ACVR1: variants seen among roughly 807,000 people sequenced by gnomAD.
ACVR1 encodes activin A receptor type 1.
A neutral mutation model predicts 57.1 loss-of-function variants in ACVR1; 38 were observed. That is an observed-to-expected ratio of 0.67 (90% CI 0.51 to 0.87). The LOEUF is 0.87. Among genes scored for constraint, ACVR1 ranks in the 40% least tolerant of loss-of-function variants. The pLI is 0.00. For synonymous variants in ACVR1, 212 were observed against 228.1 expected, an observed-to-expected ratio of 0.93 and a Z score of 0.63; for missense variants, 463 against 638.2, an observed-to-expected ratio of 0.73 and a Z score of 2.96.
intron 1 of ACVR1, among the ~76,000 whole-genome samples, chr2:157,845,950 A>G (rs1689115986): frequency 6.6e-6 from 1 of 152,246 alleles, no homozygotes; most frequent in South Asian, 2.1e-4. Flanking sequence ...CAGGAAATAT[A>G]TAGCAGACCT....
At chr2:157,794,779 T>A (rs1215197628) in intron 3 of ACVR1, among the ~76,000 whole-genome samples, 1 of 152,156 alleles carries the variant, frequency 6.6e-6, no homozygotes, top group African/African-American at 2.4e-5. Flanking sequence ...GCCATTATAT[T>A]GGAAAGCATT....
At chr2:157,861,564 T>C (rs1423772955) in intron 1 of ACVR1, among the ~76,000 whole-genome samples, 1 of 152,170 alleles carries the variant, frequency 6.6e-6, no homozygotes, top group African/African-American at 2.4e-5. Flanking sequence ...ATCCAGGTAA[T>C]CTTCTGTTTA....
chr2:157,864,137 C>T (rs928328422), intron 1 of ACVR1, among the ~76,000 whole-genome samples: 2 of 151,962 alleles, frequency 1.3e-5, no homozygotes, highest in African/African-American at 2.4e-5. Context: ...GCTGGGATTA[C>T]AGGCGTGAGC....
At chr2:157,817,989 G>T (rs769260372) in intron 2 of ACVR1, among the ~76,000 whole-genome samples, 13 of 137,938 alleles carry the variant, frequency 9.4e-5, no homozygotes, top group Non-Finnish European at 1.7e-4. Context: ...GTGACAGAAC[G>T]AGACTCCGTC....
chr2:157,864,586 T>C (rs1036080646), intron 1 of ACVR1, among the ~76,000 whole-genome samples: 4 of 152,174 alleles, frequency 2.6e-5, no homozygotes, highest in African/African-American at 9.7e-5. Flanking sequence ...TAGATCTAGT[T>C]TGACAATCAG....
At chr2:157,852,533 C>T (rs567304157) in intron 1 of ACVR1, among the ~76,000 whole-genome samples, 1 of 151,176 alleles carries the variant, frequency 6.6e-6, no homozygotes, top group East Asian at 1.9e-4. Context: ...AGAGCAAGAC[C>T]TTGGAAAAAG....
At chr2:157,760,800 T>C (rs1324188437) in intron 9 of ACVR1, 80 bp downstream of exon 9, 1 of 1,352,238 alleles carries the variant, frequency 7.4e-7, no homozygotes, top group African/African-American at 1.5e-5. Context: ...TGAATTTCAA[T>C]AGTCCCTTCA....
At position 157,818,987 on chromosome 2, in the gene ACVR1, A is replaced by G. The variant is rs1452996789; in HGVS notation, c.-182-428T>C. ...CAGCTACTTGGGAGGCTGAGGCAGG[A>G]GAATGGCGTGAACCCGGGAGGTGGA... is the stretch of plus-strand genomic sequence containing the variant. On this transcript the variant is annotated intron_variant, in intron 1 of 10. Coordinates refer to ENST00000434821, the MANE Select transcript of ACVR1 (RefSeq NM_001111067.4). Among the ~76,000 whole-genome samples, 6 of 138,682 alleles carry G rather than the reference A, an allele frequency of 4.3e-5. No homozygotes were observed. In the South Asian group the frequency reaches 9.8e-4, roughly 23 times the overall value. The allele number at this position is 138,682 out of a possible 152,430, so 91.0% of individuals were successfully genotyped here.
At chr2:157,816,459 T>C (rs1420643639) in intron 2 of ACVR1, among the ~76,000 whole-genome samples, 1 of 148,456 alleles carries the variant, frequency 6.7e-6, no homozygotes, top group African/African-American at 2.5e-5. Context: ...TAGCCAGGCG[T>C]GGTTGTGTAC....
chr2:157,762,908 A>G (rs1685716554), intron 8 of ACVR1, among the ~76,000 whole-genome samples: 1 of 152,214 alleles, frequency 6.6e-6, no homozygotes, highest in Admixed American at 6.5e-5. Context: ...TTGAGCGTTC[A>G]GATGATTGCA....
At chr2:157,784,761 G>A (rs543621514) in intron 3 of ACVR1, among the ~76,000 whole-genome samples, 92 of 152,338 alleles carry the variant, frequency 6.0e-4, no homozygotes, top group African/African-American at 1.8e-3. Context: ...ACCATGGCCA[G>A]CTCTTTAAAA....
At chr2:157,764,107 A>C (rs1297638120) in intron 8 of ACVR1, among the ~76,000 whole-genome samples, 1 of 152,172 alleles carries the variant, frequency 6.6e-6, no homozygotes. Flanking sequence ...CCAGACATTT[A>C]TAATACTTCT....
At chr2:157,858,986 G>A (rs1689632827) in intron 1 of ACVR1, among the ~76,000 whole-genome samples, 1 of 152,140 alleles carries the variant, frequency 6.6e-6, no homozygotes, top group Non-Finnish European at 1.5e-5. Context: ...AATACAGCCT[G>A]TCACCTTACT....
chr2:157,799,890 C>G (rs991564061), intron 2 of ACVR1, among the ~76,000 whole-genome samples: 1 of 152,154 alleles, frequency 6.6e-6, no homozygotes, highest in Non-Finnish European at 1.5e-5. Context: ...CATGAATAGA[C>G]TATTTTAACA....
chr2:157,744,726 A>G (rs771526177), intron 9 of ACVR1, among the ~76,000 whole-genome samples: 19 of 152,256 alleles, frequency 1.2e-4, no homozygotes, highest in Non-Finnish European at 2.2e-4. Context: ...TACTTCACCT[A>G]ACATACCTCA....
chr2:157,750,137 G>C (rs1685127921), intron 9 of ACVR1, among the ~76,000 whole-genome samples: 1 of 152,222 alleles, frequency 6.6e-6, no homozygotes, highest in Admixed American at 6.5e-5. Context: ...CTGAGGACTG[G>C]CCTTCCCAGT....
intron 6 of ACVR1, among the ~76,000 whole-genome samples, chr2:157,772,947 G>A (rs374926639): frequency 3.3e-5 from 5 of 152,098 alleles, no homozygotes; most frequent in Non-Finnish European, 7.4e-5. Context: ...GCCCTTCCCC[G>A]TTTCTACTAC....
intron 3 of ACVR1, among the ~76,000 whole-genome samples, chr2:157,788,865 C>T (rs959250285): frequency 6.6e-6 from 1 of 152,058 alleles, no homozygotes; most frequent in African/African-American, 2.4e-5. Context: ...CCCTATCCTC[C>T]AATTTCCCCA....
chr2:157,837,523 C>T lies in ACVR1; in HGVS notation c.-182-18964G>A, dbSNP rs908569082. Among the ~76,000 whole-genome samples, 10 of 152,014 alleles carry T rather than the reference C, an allele frequency of 6.6e-5. No homozygotes were observed. The East Asian group carries it at 9.6e-4, about 15-fold the overall frequency. On this transcript the variant is annotated intron_variant, in intron 1 of 10. Coordinates refer to ENST00000434821, the MANE Select transcript of ACVR1 (RefSeq NM_001111067.4). ...AAATTTTTTAATTTAATTTCGAGCA[C>T]GGAAATTTAAAGATATTTGAGGGAA...
Sources: gnomAD v4.1 joint callset for allele counts (sites outside exome capture counted in the v4.1 genomes callset) on GRCh38, gnomAD v4.1.1 for gene constraint, MANE v1.5 for transcripts, NCBI Gene and HGNC (gene_info 2026-07-23, HGNC 2026-07-21) for gene names.